DDX46: variants seen among roughly 807,000 people sequenced by gnomAD.
DDX46 encodes DEAD-box helicase 46.
Under a neutral mutation model 134.9 loss-of-function variants are expected in DDX46, and 30 were observed. The ratio of observed to expected loss-of-function variants is 0.22; its 90% CI spans 0.17 to 0.30. DDX46 has a LOEUF of 0.30. Among genes scored for constraint, DDX46 ranks in the 10% least tolerant of loss-of-function variants. The pLI is 1.00. For synonymous variants in DDX46, 415 were observed against 404.1 expected, an observed-to-expected ratio of 1.03 and a Z score of -0.32; for missense variants, 622 against 1,248.7, an observed-to-expected ratio of 0.50 and a Z score of 7.56.
At position 134,785,591 on chromosome 5, in the gene DDX46, TTA is replaced by T; in HGVS notation, c.1464+10_1464+11del. 1 of 1,600,936 alleles carries T rather than the reference TTA, an allele frequency of 6.2e-7. No individual in the cohort carries two copies. Among genetic ancestry groups the T allele is most frequent in the East Asian group, 2.3e-5 (1 of 44,408 alleles). ...GGAACAGGAATCAGTGAGCAGGTAG[TTA>T]TATAAGAAACATTCATGTTTTCCAT... On this transcript the variant is annotated splice_donor_region_variant and intron_variant, in intron 11 of 22. Transcript: ENST00000452510.
intron 6 of DDX46, 142 bp downstream of exon 6, chr5:134,777,867 T>TAA: frequency 1.0e-6 from 1 of 990,224 alleles, no homozygotes; most frequent in Non-Finnish European, 1.4e-6. Context: ...GTACTTTTTC[T>TAA]GAGTACCAGA....
chr5:134,819,775 C>A (rs999878626), intron 21 of DDX46, among the ~76,000 whole-genome samples: 17 of 151,994 alleles, frequency 1.1e-4, no homozygotes. Flanking sequence ...CTCAAGGGAC[C>A]CGCCCCCACT....
chr5:134,779,990 T>C (rs904446454), intron 6 of DDX46, among the ~76,000 whole-genome samples: 1 of 152,040 alleles, frequency 6.6e-6, no homozygotes, highest in African/African-American at 2.4e-5. Flanking sequence ...TCCAAGCTAC[T>C]TGGGAGGCTG....
chr5:134,807,266 C>T (rs533699016), intron 15 of DDX46, among the ~76,000 whole-genome samples: 2 of 151,390 alleles, frequency 1.3e-5, no homozygotes, highest in South Asian at 2.1e-4. Context: ...ATGATCTGCC[C>T]GCCTCGGCCT....
chr5:134,771,464 G>A (rs1262356257), intron 4 of DDX46, among the ~76,000 whole-genome samples: 6 of 144,610 alleles, frequency 4.1e-5, no homozygotes, highest in African/African-American at 7.5e-5. Context: ...AGGCCGAGGC[G>A]GGTGGATCAT....
intron 15 of DDX46, among the ~76,000 whole-genome samples, chr5:134,796,799 G>C (rs1754666323): frequency 6.7e-6 from 1 of 148,618 alleles, no homozygotes; most frequent in African/African-American, 2.5e-5. Flanking sequence ...GTTGCTGTGA[G>C]CTGAGATCAT....
At chr5:134,814,928 C>G (rs1364235734) in intron 18 of DDX46, among the ~76,000 whole-genome samples, 1 of 152,034 alleles carries the variant, frequency 6.6e-6, no homozygotes, top group Admixed American at 6.6e-5. Flanking sequence ...AACTAAAACC[C>G]TTTAATAGGT....
chr5:134,770,853 C>A, intron 3 of DDX46, 50 bp from the exon 4 acceptor site: 7 of 1,400,530 alleles, frequency 5.0e-6, no homozygotes, highest in Admixed American at 2.5e-5. Context: ...ATGAATGTTT[C>A]TAAGTACAAA....
At chr5:134,776,426 AT>A (rs1753939563) in intron 5 of DDX46, among the ~76,000 whole-genome samples, 1 of 151,968 alleles carries the variant, frequency 6.6e-6, no homozygotes, top group Non-Finnish European at 1.5e-5. Flanking sequence ...AAGCAAAAAT[AT>A]ACTTACTGTC....
At chr5:134,759,083 G>A in intron 1 of DDX46, 128 bp downstream of exon 1, 14 of 1,416,762 alleles carry the variant, frequency 9.9e-6, no homozygotes, top group Non-Finnish European at 1.1e-5. Context: ...TGCCCCGCGA[G>A]CATTGGAAGG....
Position 134,811,633 on chromosome 5 carries a change from G to A in DDX46, c.2287-63G>A, listed in dbSNP as rs1488308324. 4.7e-6 allele frequency: 7 copies of A among 1,498,928 alleles called. No homozygotes were observed. In the Admixed American group the frequency reaches 1.1e-4, roughly 24 times the overall value. The allele number at this position is 1,498,928 out of a possible 1,614,324, so 92.9% of individuals were successfully genotyped here. On this transcript the variant is annotated intron_variant, in intron 17 of 22. Coordinates refer to ENST00000452510, the MANE Select transcript of DDX46 (RefSeq NM_001300860.2). Reference sequence around the variant, plus strand: ...CACCACCTTGAAAAATATTTAATTAGTATGAATTCCTAAACATTAAAGTTT... The same window carrying A: ...CACCACCTTGAAAAATATTTAATTAATATGAATTCCTAAACATTAAAGTTT...
intron 16 of DDX46, among the ~76,000 whole-genome samples, chr5:134,809,577 G>C (rs1391277607): frequency 6.6e-6 from 1 of 151,906 alleles, no homozygotes; most frequent in Non-Finnish European, 1.5e-5. Context: ...ACTAAAACCT[G>C]TGTTAGCCAG....
chr5:134,774,908 T>C (rs1399920932), intron 5 of DDX46, among the ~76,000 whole-genome samples: 1 of 152,038 alleles, frequency 6.6e-6, no homozygotes, highest in African/African-American at 2.4e-5. Flanking sequence ...GGCACTGCAG[T>C]CTCCGCCTCC....
At chr5:134,760,382 A>G (rs1753340503) in intron 1 of DDX46, among the ~76,000 whole-genome samples, 1 of 152,212 alleles carries the variant, frequency 6.6e-6, no homozygotes, top group Admixed American at 6.5e-5. Context: ...ATTTTTCTGC[A>G]TATGTAGGTT....
chr5:134,795,185 G>A (rs1202036063), intron 14 of DDX46, among the ~76,000 whole-genome samples, 171 bp downstream of exon 14: 4 of 151,566 alleles, frequency 2.6e-5, no homozygotes, highest in African/African-American at 9.7e-5. Context: ...GCTGTTCCAC[G>A]GAGCTATTTA....
At chr5:134,786,846 G>C (rs576406706) in intron 11 of DDX46, among the ~76,000 whole-genome samples, 2 of 152,024 alleles carry the variant, frequency 1.3e-5, no homozygotes, top group Non-Finnish European at 2.9e-5. Flanking sequence ...CTCCATCTTG[G>C]GGGGTGGCGG....
chr5:134,772,745 A>G (rs1020061063), intron 4 of DDX46, among the ~76,000 whole-genome samples: 27 of 152,134 alleles, frequency 1.8e-4, no homozygotes, highest in African/African-American at 5.8e-4. Context: ...ACCTCAGGCA[A>G]TCTGCCTGCC....
intron 3 of DDX46, among the ~76,000 whole-genome samples, chr5:134,768,784 G>A (rs116943537): frequency 0.011 from 1,629 of 152,230 alleles, 16 homozygotes; most frequent in Middle Eastern, 0.054. Flanking sequence ...TAGAAGTCTG[G>A]GTGAAGTGGC....
chr5:134,778,618 A>C (rs1181860015), intron 6 of DDX46, among the ~76,000 whole-genome samples: 1 of 151,918 alleles, frequency 6.6e-6, no homozygotes, highest in Non-Finnish European at 1.5e-5. Flanking sequence ...CTATTGCCCA[A>C]GCGGGAGTGC....
Sources: gnomAD v4.1 joint callset for allele counts (sites outside exome capture counted in the v4.1 genomes callset) on GRCh38, gnomAD v4.1.1 for gene constraint, MANE v1.5 for transcripts, NCBI Gene and HGNC (gene_info 2026-07-23, HGNC 2026-07-21) for gene names.